MAP2K1: variants seen among roughly 807,000 people sequenced by gnomAD.
MAP2K1 encodes the protein dual specificity mitogen-activated protein kinase kinase 1.
MAP2K1 carries 16 observed loss-of-function variants against 46.3 expected under a neutral mutation model. The observed-to-expected ratio is 0.35, with a 90% CI of 0.23 to 0.52. The LOEUF is 0.52. MAP2K1 is among the 20% of genes least tolerant of loss of function. The probability of loss-of-function intolerance (pLI) is 0.94; values close to 1 mark genes in which losing one functional copy is unlikely to be tolerated. For synonymous variants in MAP2K1, 183 were observed against 185.6 expected, an observed-to-expected ratio of 0.99 and a Z score of 0.11; for missense variants, 263 against 497.1, an observed-to-expected ratio of 0.53 and a Z score of 4.48.
chr15:66,474,242 A>G lies in MAP2K1; in HGVS notation c.569-7513A>G, dbSNP rs540847736. Among the ~76,000 whole-genome samples the G allele has an allele frequency of 2.0e-5, 3 of 151,996 alleles. No homozygotes were observed. In the South Asian group the frequency reaches 6.2e-4, roughly 32 times the overall value. ...TGTAAAAATCTTGAAAGTGAGGGAG[A>G]TAAAAATAGTTGCTTGTTAGGACCT... On this transcript the variant is annotated intron_variant, in intron 5 of 10. Coordinates refer to ENST00000307102, the MANE Select transcript of MAP2K1 (RefSeq NM_002755.4).
intron 1 of MAP2K1, among the ~76,000 whole-genome samples, chr15:66,421,471 G>T (rs2140557112): frequency 6.6e-6 from 1 of 151,176 alleles, no homozygotes; most frequent in Middle Eastern, 3.4e-3. Flanking sequence ...AGTGCTAACT[G>T]CGAGTTAATG....
At chr15:66,403,261 G>T (rs368841659) in intron 1 of MAP2K1, among the ~76,000 whole-genome samples, 45 of 152,248 alleles carry the variant, frequency 3.0e-4, no homozygotes, top group East Asian at 2.5e-3. Context: ...TGGTAACTAT[G>T]CAATATCCTT....
chr15:66,483,672 T>G (rs1567025368), intron 6 of MAP2K1, among the ~76,000 whole-genome samples: 1 of 152,304 alleles, frequency 6.6e-6, no homozygotes, highest in East Asian at 1.9e-4. Context: ...CACTGTATAC[T>G]TTTTTTCTCT....
chr15:66,488,320 C>T (rs1893118889), intron 8 of MAP2K1, among the ~76,000 whole-genome samples: 1 of 152,218 alleles, frequency 6.6e-6, no homozygotes, highest in Non-Finnish European at 1.5e-5. Flanking sequence ...TAGTCCTCAC[C>T]TAAGATCAGA....
At chr15:66,398,827 G>T (rs1192697869) in intron 1 of MAP2K1, among the ~76,000 whole-genome samples, 1 of 150,366 alleles carries the variant, frequency 6.7e-6, no homozygotes, top group South Asian at 2.1e-4. Flanking sequence ...AGGCTAGAGT[G>T]CAGTGGTGCG....
At chr15:66,411,320 C>T (rs1419064830) in intron 1 of MAP2K1, among the ~76,000 whole-genome samples, 5 of 152,072 alleles carry the variant, frequency 3.3e-5, no homozygotes, top group Non-Finnish European at 7.3e-5. Flanking sequence ...ACTAGGGTCT[C>T]AGGGTCTGAA....
At chr15:66,437,201 A>G (rs541806105) in intron 3 of MAP2K1, among the ~76,000 whole-genome samples, 10 of 152,324 alleles carry the variant, frequency 6.6e-5, no homozygotes, top group Middle Eastern at 3.4e-3. Flanking sequence ...TGGTAAATAC[A>G]GTTTAAATCC....
At chr15:66,467,025 A>T (rs1334118432) in intron 5 of MAP2K1, among the ~76,000 whole-genome samples, 1 of 152,112 alleles carries the variant, frequency 6.6e-6, no homozygotes, top group African/African-American at 2.4e-5. Flanking sequence ...ACCTGAGGTG[A>T]GGAGTTTGAG....
At chr15:66,395,529 GTTT>G (rs1030544369) in intron 1 of MAP2K1, among the ~76,000 whole-genome samples, 2 of 140,768 alleles carry the variant, frequency 1.4e-5, no homozygotes, top group Admixed American at 1.4e-4. Context: ...TGCTGACATG[GTTT>G]TTTTTTTTGT....
intron 8 of MAP2K1, among the ~76,000 whole-genome samples, chr15:66,487,780 G>A (rs1893092240): frequency 6.6e-6 from 1 of 151,996 alleles, no homozygotes; most frequent in East Asian, 1.9e-4. Flanking sequence ...TGCATTTGTA[G>A]GAGTCAGAAA....
chr15:66,438,117 C>T (rs549536862), intron 3 of MAP2K1, among the ~76,000 whole-genome samples: 8 of 149,188 alleles, frequency 5.4e-5, no homozygotes, highest in South Asian at 4.2e-4. Context: ...GACAGAGTCT[C>T]GCCCTGTCAC....
intron 5 of MAP2K1, among the ~76,000 whole-genome samples, chr15:66,454,332 T>C (rs1031746427): frequency 2.0e-5 from 3 of 152,196 alleles, no homozygotes; most frequent in Non-Finnish European, 4.4e-5. Flanking sequence ...AAGGTTCAAA[T>C]TGTGACTGTG....
At chr15:66,393,466 G>A (rs894924991) in intron 1 of MAP2K1, among the ~76,000 whole-genome samples, 3 of 152,204 alleles carry the variant, frequency 2.0e-5, no homozygotes, top group African/African-American at 7.2e-5. Flanking sequence ...GTGAACCACC[G>A]CACCGGCTAT....
chr15:66,430,137 C>T (rs1287828951), intron 1 of MAP2K1, among the ~76,000 whole-genome samples: 1 of 152,134 alleles, frequency 6.6e-6, no homozygotes, highest in Non-Finnish European at 1.5e-5. Context: ...TTGTATGCAG[C>T]CTTTATCTCT....
intron 9 of MAP2K1, 94 bp from the exon 10 acceptor site, chr15:66,489,624 C>T: frequency 2.1e-6 from 2 of 948,510 alleles, no homozygotes; most frequent in East Asian, 2.4e-5. Context: ...AATCCTCGGC[C>T]TCTAGTGTGC....
chr15:66,489,843 C>A, intron 10 of MAP2K1, 80 bp downstream of exon 10: 2 of 1,218,728 alleles, frequency 1.6e-6, no homozygotes, highest in Non-Finnish European at 1.2e-6. Context: ...GCAGTACTTC[C>A]AGAGCCCATT....
chr15:66,479,274 C>T, intron 5 of MAP2K1, among the ~76,000 whole-genome samples: 1 of 151,842 alleles, frequency 6.6e-6, no homozygotes, highest in Non-Finnish European at 1.5e-5. Context: ...ATTTTTGTAT[C>T]TTCACTACAG....
intron 1 of MAP2K1, among the ~76,000 whole-genome samples, chr15:66,420,849 A>ATGTGTATATATATATGTG (rs1567003224): frequency 4.8e-5 from 6 of 125,586 alleles, no homozygotes; most frequent in African/African-American, 1.7e-4. Flanking sequence ...ATGTGTGTAT[A>ATGTGTATATATATATGTG]TATATGTGTG....
chr15:66,466,130 G>C (rs913400777), intron 5 of MAP2K1, among the ~76,000 whole-genome samples: 9 of 151,636 alleles, frequency 5.9e-5, no homozygotes, highest in African/African-American at 1.9e-4. Flanking sequence ...TTTTCCCAAG[G>C]GGCTTTTATT....
Sources: gnomAD v4.1 joint callset for allele counts (sites outside exome capture counted in the v4.1 genomes callset) on GRCh38, gnomAD v4.1.1 for gene constraint, MANE v1.5 for transcripts, NCBI Gene and HGNC (gene_info 2026-07-23, HGNC 2026-07-21) for gene names.